The following NTM variants were observed in gnomAD, a reference collection of about 807,000 sequenced individuals.
NTM encodes the protein neurotrimin.
In NTM, 13 loss-of-function variants were observed where a neutral mutation model predicts 42.1. The ratio of observed to expected loss-of-function variants is 0.31; its 90% CI spans 0.20 to 0.49. The LOEUF is 0.49. NTM is among the 20% of genes least tolerant of loss of function. The probability of loss-of-function intolerance (pLI) is 0.99; values close to 1 mark genes in which losing one functional copy is unlikely to be tolerated. For synonymous variants in NTM, 187 were observed against 179.2 expected, an observed-to-expected ratio of 1.04 and a Z score of -0.35; for missense variants, 373 against 452.8, an observed-to-expected ratio of 0.82 and a Z score of 1.60.
chr11:131,461,641 TTAA>T (rs1233228944), intron 1 of NTM, among the ~76,000 whole-genome samples: 4 of 152,138 alleles, frequency 2.6e-5, no homozygotes, highest in Non-Finnish European at 4.4e-5. Context: ...GTAACTATGG[TTAA>T]TAATAATGCA....
At chr11:132,166,000 A>G (rs1266439185) in intron 3 of NTM, among the ~76,000 whole-genome samples, 1 of 152,132 alleles carries the variant, frequency 6.6e-6, no homozygotes, top group Non-Finnish European at 1.5e-5. Context: ...TGAGCTATTT[A>G]GTAGATATAT....
At chr11:131,527,034 C>T (rs534044662) in intron 1 of NTM, among the ~76,000 whole-genome samples, 60 of 152,242 alleles carry the variant, frequency 3.9e-4, no homozygotes, top group African/African-American at 1.2e-3. Context: ...CTATCTAGTC[C>T]GAGCAATGAC....
chr11:132,184,769 T>A (rs763063061), intron 3 of NTM, among the ~76,000 whole-genome samples: 8 of 152,162 alleles, frequency 5.3e-5, no homozygotes, highest in Non-Finnish European at 1.2e-4. Context: ...TACACAAATT[T>A]TTTGGGAAAA....
At chr11:131,888,373 C>G (rs1004825580) in intron 1 of NTM, among the ~76,000 whole-genome samples, 1 of 152,116 alleles carries the variant, frequency 6.6e-6, no homozygotes, top group African/African-American at 2.4e-5. Context: ...TTTCACACTG[C>G]GGAGAAATGC....
intron 2 of NTM, among the ~76,000 whole-genome samples, chr11:132,029,883 G>A (rs1326060696): frequency 2.0e-5 from 3 of 152,084 alleles, no homozygotes; most frequent in African/African-American, 7.2e-5. Context: ...ACCAGTCCTC[G>A]TGTTTACATA....
Position 132,192,086 on chromosome 11 carries a change from C to T in NTM, c.401-19936C>T, listed in dbSNP as rs185629991. 9.9e-5 allele frequency among the ~76,000 whole-genome samples: 15 copies of T among 152,168 alleles called. No individual in the cohort carries two copies. The East Asian group carries it at 1.5e-3, about 16-fold the overall frequency. On this transcript the variant is annotated intron_variant, in intron 3 of 8. Transcript: ENST00000683400. ...GAGAGAAAACAAGCAACTTGGAAAA[C>T]GTATTTGAGGATATAGTCCAAAAAA...
chr11:132,237,186 T>C (rs1260702236), intron 4 of NTM, among the ~76,000 whole-genome samples: 1 of 152,222 alleles, frequency 6.6e-6, no homozygotes, highest in Admixed American at 6.5e-5. Flanking sequence ...GGGTCCATCA[T>C]CCTGAAGAAA....
chr11:131,429,419 G>A (rs1458667861), intron 1 of NTM, among the ~76,000 whole-genome samples: 1 of 152,174 alleles, frequency 6.6e-6, no homozygotes, highest in Non-Finnish European at 1.5e-5. Flanking sequence ...CGAGAACTCA[G>A]TGAGTGCCCT....
At chr11:132,264,340 A>G (rs568278473) in intron 4 of NTM, among the ~76,000 whole-genome samples, 4 of 152,108 alleles carry the variant, frequency 2.6e-5, no homozygotes, top group Admixed American at 2.6e-4. Context: ...CCATTTTTCT[A>G]TTGGGTTGTT....
intron 1 of NTM, chr11:131,660,930 T>A (rs958894983): frequency 1.5e-6 from 2 of 1,301,814 alleles, no homozygotes; most frequent in African/African-American, 3.0e-5. Context: ...TTTTTATAGG[T>A]AAGTGACATT....
chr11:132,064,921 A>G (rs2081218649), intron 2 of NTM, among the ~76,000 whole-genome samples: 1 of 152,124 alleles, frequency 6.6e-6, no homozygotes, highest in South Asian at 2.1e-4. Context: ...GTGTTTCCTC[A>G]TTTCTGTTTA....
intron 1 of NTM, among the ~76,000 whole-genome samples, chr11:131,727,808 C>T (rs1235644948): frequency 6.6e-6 from 1 of 152,208 alleles, no homozygotes. Flanking sequence ...TTCCATGCAA[C>T]CACCTCCATT....
At chr11:132,255,581 G>T (rs1291665235) in intron 4 of NTM, among the ~76,000 whole-genome samples, 2 of 152,220 alleles carry the variant, frequency 1.3e-5, no homozygotes, top group African/African-American at 4.8e-5. Context: ...TCACTGCCCA[G>T]TCAGAGAAGG....
At chr11:131,768,023 T>A (rs954491949) in intron 1 of NTM, among the ~76,000 whole-genome samples, 2 of 152,118 alleles carry the variant, frequency 1.3e-5, no homozygotes, top group African/African-American at 4.8e-5. Flanking sequence ...GGAATTCCTT[T>A]TTTTTTTAAG....
At chr11:131,943,066 G>A (rs2059979636) in intron 2 of NTM, among the ~76,000 whole-genome samples, 1 of 152,184 alleles carries the variant, frequency 6.6e-6, no homozygotes, top group Non-Finnish European at 1.5e-5. Context: ...AGGTGTTGGA[G>A]TCGTCAAGTG....
chr11:132,014,736 GTTT>G (rs146527050), intron 2 of NTM, among the ~76,000 whole-genome samples: 5,556 of 84,008 alleles, frequency 0.066, 127 homozygotes, highest in Non-Finnish European at 0.089. Context: ...AGAATTACTT[GTTT>G]TTTTTTTTTT....
chr11:131,487,124 T>C (rs1954262130), intron 1 of NTM, among the ~76,000 whole-genome samples: 1 of 152,216 alleles, frequency 6.6e-6, no homozygotes, highest in Non-Finnish European at 1.5e-5. Context: ...TCAGACATCC[T>C]CTTCTGATGC....
intron 4 of NTM, 84 bp from the exon 5 acceptor site, chr11:132,307,605 C>T (rs2095134955): frequency 1.3e-6 from 2 of 1,568,028 alleles, no homozygotes; most frequent in Middle Eastern, 1.7e-4. Context: ...GCAGACATAA[C>T]CATTTTATAC....
intron 1 of NTM, among the ~76,000 whole-genome samples, chr11:131,440,202 A>G (rs1049369035): frequency 6.6e-6 from 1 of 152,034 alleles, no homozygotes; most frequent in Non-Finnish European, 1.5e-5. Flanking sequence ...AATTTAACCT[A>G]TAACTTCTTT....
Sources: allele counts gnomAD v4.1 joint callset (sites outside exome capture counted in the v4.1 genomes callset), GRCh38; gene constraint gnomAD v4.1.1; transcripts MANE v1.5; gene names NCBI Gene and HGNC (gene_info 2026-07-23, HGNC 2026-07-21).